TMOD2: variants seen among roughly 807,000 people sequenced by gnomAD.
The protein encoded by TMOD2 is tropomodulin-2.
In TMOD2, 22 loss-of-function variants were observed where a neutral mutation model predicts 39.9. That is an observed-to-expected ratio of 0.55 (90% confidence interval 0.39 to 0.79). TMOD2 has a LOEUF of 0.79. Among genes scored for constraint, TMOD2 ranks in the 30% least tolerant of loss-of-function variants. TMOD2 has a pLI of 0.00. For missense variants in TMOD2, 386 were observed against 413.3 expected, an observed-to-expected ratio of 0.93 and a Z score of 0.57; for synonymous variants, 123 against 146.1, an observed-to-expected ratio of 0.84 and a Z score of 1.14.
intron 4 of TMOD2, among the ~76,000 whole-genome samples, chr15:51,775,288 T>C (rs147453728): frequency 0.01 from 1,577 of 152,306 alleles, 17 homozygotes; most frequent in Middle Eastern, 0.034. Flanking sequence ...TTCCCAGCCC[T>C]AAACTGTGGG....
chr15:51,767,485 C>T (rs2055823805), intron 2 of TMOD2, among the ~76,000 whole-genome samples: 1 of 152,144 alleles, frequency 6.6e-6, no homozygotes, highest in African/African-American at 2.4e-5. Context: ...TCTTGAAAAG[C>T]TAAGTCGCTT....
chr15:51,807,183 C>A (rs778306693), intron 9 of TMOD2, among the ~76,000 whole-genome samples: 13 of 152,168 alleles, frequency 8.5e-5, no homozygotes, highest in African/African-American at 3.1e-4. Flanking sequence ...AGCAGACATC[C>A]ATTTGGCAAG....
In TMOD2 at chr15:51,766,550, G is replaced by T. The variant is rs774025196; in HGVS notation, c.109G>T (p.Asp37Tyr). Residue 37 changes from aspartate to tyrosine, a missense_variant, in exon 2 of 10, where the codon GAT becomes TAT. Coordinates refer to ENST00000249700, the MANE Select transcript of TMOD2 (RefSeq NM_014548.4). ...ACTGAAACAGTTGGAAAATGTTCTA[G>T]ATGACCTAGATCCTGAGGTTAGTGA... ...EELKQLENVLDDLDPESAMLP... is the reference protein window; with the variant it reads ...EELKQLENVLYDLDPESAMLP... The T allele has an allele frequency of 6.2e-7, 1 of 1,614,080 alleles. No homozygotes were observed. Among genetic ancestry groups the T allele is most frequent in the Non-Finnish European group, 8.5e-7 (1 of 1,179,984 alleles).
At chr15:51,804,199 ACAGTAAGT>A (rs1487086159) in intron 8 of TMOD2, among the ~76,000 whole-genome samples, 1 of 152,266 alleles carries the variant, frequency 6.6e-6, no homozygotes, top group Non-Finnish European at 1.5e-5. Flanking sequence ...ATGTGATGTA[ACAGTAAGT>A]CACTAAGGCC....
intron 7 of TMOD2, chr15:51,784,105 G>A (rs1327368663): frequency 6.6e-6 from 1 of 152,178 alleles, no homozygotes; most frequent in Non-Finnish European, 1.5e-5. Context: ...GGTTAAGTAA[G>A]CTATCCAAGG....
At chr15:51,786,615 G>A (rs2606147) in intron 7 of TMOD2, among the ~76,000 whole-genome samples, 49,935 of 152,028 alleles carry the variant, frequency 0.33, 9,024 homozygotes, top group Non-Finnish European at 0.4. Context: ...AGATTACACC[G>A]CATGTGGCCA....
chr15:51,777,826 G>A (rs1465676997), intron 5 of TMOD2, among the ~76,000 whole-genome samples: 1 of 152,216 alleles, frequency 6.6e-6, no homozygotes, highest in Non-Finnish European at 1.5e-5. Flanking sequence ...TCCCTTGGAT[G>A]CAAGGAAACA....
Position 51,789,640 on chromosome 15 carries a change from C to T in TMOD2, c.732+6812C>T, listed in dbSNP as rs143571560. Reference sequence around the variant, plus strand: ...ACACTCCTCAGCAAATGTAAAAGAACAGAAATCACAACAAACTGTCTCTCA... The same window carrying T: ...ACACTCCTCAGCAAATGTAAAAGAATAGAAATCACAACAAACTGTCTCTCA... On this transcript the variant is annotated intron_variant, in intron 7 of 9. Transcript: ENST00000249700. Among the ~76,000 whole-genome samples, 1,441 of 152,280 alleles carry T rather than the reference C, an allele frequency of 9.5e-3. 22 individuals carry two copies. Among genetic ancestry groups the T allele is most frequent in the African/African-American group, 0.033 (1,389 of 41,552 alleles).
intron 5 of TMOD2, among the ~76,000 whole-genome samples, chr15:51,779,371 T>C (rs765554730): frequency 5.3e-5 from 8 of 151,580 alleles, no homozygotes; most frequent in African/African-American, 1.9e-4. Context: ...TTCATTCTTT[T>C]AATGAGTAGA....
intron 3 of TMOD2, among the ~76,000 whole-genome samples, chr15:51,770,048 A>C (rs1286321367): frequency 6.6e-6 from 1 of 152,102 alleles, no homozygotes; most frequent in Non-Finnish European, 1.5e-5. Flanking sequence ...ATAAACAAAC[A>C]AACCAAATCT....
intron 4 of TMOD2, among the ~76,000 whole-genome samples, chr15:51,774,911 A>G (rs912302829): frequency 2.6e-5 from 4 of 152,066 alleles, no homozygotes; most frequent in Non-Finnish European, 5.9e-5. Flanking sequence ...AATTATTTGG[A>G]AGATACTAGA....
chr15:51,798,929 A>T (rs759107758), intron 8 of TMOD2, among the ~76,000 whole-genome samples: 1 of 152,216 alleles, frequency 6.6e-6, no homozygotes, highest in Non-Finnish European at 1.5e-5. Context: ...TGGTCTGATC[A>T]CAGTCTCATT....
chr15:51,758,732 C>T (rs1238727170), intron 1 of TMOD2, among the ~76,000 whole-genome samples: 1 of 151,894 alleles, frequency 6.6e-6, no homozygotes, highest in Non-Finnish European at 1.5e-5. Context: ...GGGGAGTGAC[C>T]CAGACCTTGT....
chr15:51,764,417 T>C (rs1195828504), intron 1 of TMOD2, among the ~76,000 whole-genome samples: 1 of 152,138 alleles, frequency 6.6e-6, no homozygotes, highest in Non-Finnish European at 1.5e-5. Context: ...TTGTGAGCCG[T>C]TGAATTCACA....
chr15:51,777,747 A>G (rs7179139), intron 5 of TMOD2, among the ~76,000 whole-genome samples: 2,537 of 152,320 alleles, frequency 0.017, 92 homozygotes, highest in East Asian at 0.072. Flanking sequence ...AAAATCCTCA[A>G]TAAAATACTG....
chr15:51,795,698 T>G (rs1228195196), intron 7 of TMOD2, among the ~76,000 whole-genome samples: 1 of 151,246 alleles, frequency 6.6e-6, no homozygotes, highest in Non-Finnish European at 1.5e-5. Context: ...CCACATCTCT[T>G]AAGGTTTTCT....
chr15:51,780,286 A>G (rs1320324270), intron 5 of TMOD2, among the ~76,000 whole-genome samples: 1 of 152,268 alleles, frequency 6.6e-6, no homozygotes, highest in Admixed American at 6.5e-5. Context: ...ATAGAGGAGT[A>G]CGAAGATGCT....
chr15:51,785,689 A>T (rs1016165123), intron 7 of TMOD2, among the ~76,000 whole-genome samples: 1 of 152,122 alleles, frequency 6.6e-6, no homozygotes, highest in South Asian at 2.1e-4. Context: ...GGGAGTAGGG[A>T]CAAAGAGAAG....
At chr15:51,775,452 G>A (rs993871773) in intron 4 of TMOD2, among the ~76,000 whole-genome samples, 1 of 152,026 alleles carries the variant, frequency 6.6e-6, no homozygotes, top group Non-Finnish European at 1.5e-5. Flanking sequence ...AAGTTACTTG[G>A]TGAGCATAGG....
Sources: allele counts gnomAD v4.1 joint callset (sites outside exome capture counted in the v4.1 genomes callset), GRCh38; gene constraint gnomAD v4.1.1; transcripts MANE v1.5; gene names NCBI Gene and HGNC (gene_info 2026-07-23, HGNC 2026-07-21).